The following CLEC11A variants were observed in gnomAD, a reference collection of about 807,000 sequenced individuals.
CLEC11A encodes the protein C-type lectin domain containing 11A.
Under a neutral mutation model 33.9 loss-of-function variants are expected in CLEC11A, and 35 were observed. The observed-to-expected ratio is 1.03, with a 90% CI of 0.79 to 1.37. The LOEUF (loss-of-function observed/expected upper bound fraction) is 1.37. Ranked by LOEUF, CLEC11A falls within the 40% of genes most tolerant of loss-of-function variation. The pLI is 0.00. For missense variants in CLEC11A, 519 were observed against 455.5 expected (o/e 1.14, Z -1.27); for synonymous variants, 220 against 202.2 (o/e 1.09, Z -0.75).
Position 50,723,442 on chromosome 19 carries a change from G to C in CLEC11A, c.-84G>C, listed in dbSNP as rs1255864525. ...GGCTAGTGACCTGCACACAGGGCAGGGGCACTCGGCAGTTCCCAGAGGCCA... is the reference window on the plus strand; with the variant it reads ...GGCTAGTGACCTGCACACAGGGCAGCGGCACTCGGCAGTTCCCAGAGGCCA... On this transcript the variant is annotated 5_prime_UTR_variant, in exon 1 of 4. Coordinates refer to ENST00000250340, the MANE Select transcript of CLEC11A (RefSeq NM_002975.3). The surrounding 1 kb of genome is among the most constrained non-coding windows in gnomAD (Gnocchi z 4.1). 1.1e-5 allele frequency: 16 copies of C among 1,472,970 alleles called. No individual in the cohort carries two copies. Among genetic ancestry groups the C allele is most frequent in the Non-Finnish European group, 1.4e-5 (15 of 1,059,250 alleles). 91.2% of individuals were successfully genotyped at this position (1,472,970 alleles called of 1,614,324 possible). A position where few individuals can be genotyped will look rare whatever the true frequency, so the allele number is the denominator to read the frequency against.
In CLEC11A at chr19:50,725,010, C is replaced by A; in HGVS notation, c.527-12C>A. Reference sequence around the variant, plus strand: ...TGACCCCGCCTCCTTCTCTACCCGGCCCCGCCCACAGGCTGCCTGAAGGGG... The same window carrying A: ...TGACCCCGCCTCCTTCTCTACCCGGACCCGCCCACAGGCTGCCTGAAGGGG... On this transcript the variant is annotated splice_polypyrimidine_tract_variant and intron_variant, in intron 3 of 3. Transcript: ENST00000250340. 1 of 1,463,568 alleles carries A rather than the reference C, an allele frequency of 6.8e-7. No homozygotes were observed. Among genetic ancestry groups the A allele is most frequent in the Non-Finnish European group, 9.0e-7 (1 of 1,111,550 alleles). The allele number at this position is 1,463,568 out of a possible 1,614,324, so 90.7% of individuals were successfully genotyped here.
chr19:50,724,144 T>C lies in CLEC11A; in HGVS notation c.334+53T>C. 6.2e-7 allele frequency: 1 copy of C among 1,602,864 alleles called. No individual in the cohort carries two copies. The highest frequency in any genetic ancestry group is 1.1e-5 in the South Asian group (1 of 90,102). On this transcript the variant is annotated intron_variant, in intron 2 of 3. Coordinates refer to ENST00000250340, the MANE Select transcript of CLEC11A (RefSeq NM_002975.3). This position sits in a 1 kb window ranked among gnomAD's most constrained non-coding sequence, Gnocchi z 4.1. ...AACTCCTAGGCCGCCGCGGTCACTT[T>C]CGCAAAAATGAAGGGTCGGTTCACT... is the stretch of plus-strand genomic sequence containing the variant.
chr19:50,724,320 C>T lies in CLEC11A; in HGVS notation c.335-90C>T. The T allele has an allele frequency of 1.6e-6, 2 of 1,224,968 alleles. No individual in the cohort carries two copies. The highest frequency in any genetic ancestry group is 2.2e-6 in the Non-Finnish European group (2 of 911,254). The allele number at this position is 1,224,968 out of a possible 1,614,324, so 75.9% of individuals were successfully genotyped here. ...GCCCCCCCCACCGCCACCCCGCCCT[C>T]AGGAGCCCTAGATCCCAGTTCTCCA... On this transcript the variant is annotated intron_variant, in intron 2 of 3. Transcript: ENST00000250340. The surrounding 1 kb of genome is among the most constrained non-coding windows in gnomAD (Gnocchi z 4.1).
Position 50,724,126 on chromosome 19 carries a change from A to G in CLEC11A, c.334+35A>G. On this transcript the variant is annotated intron_variant, in intron 2 of 3. Transcript: ENST00000250340. The surrounding 1 kb of genome is among the most constrained non-coding windows in gnomAD (Gnocchi z 4.1). ...CAGAAGCCCTCACCCCCAAACTCCT[A>G]GGCCGCCGCGGTCACTTTCGCAAAA... The G allele has an allele frequency of 1.2e-6, 2 of 1,603,734 alleles. No individual in the cohort carries two copies. The highest frequency in any genetic ancestry group is 1.7e-6 in the Non-Finnish European group (2 of 1,177,172).
In CLEC11A at chr19:50,725,106, G is replaced by T; in HGVS notation, c.611G>T (p.Cys204Phe). 6.5e-7 allele frequency: 1 copy of T among 1,533,474 alleles called. No individual in the cohort carries two copies. 95.0% of individuals were successfully genotyped at this position (1,533,474 alleles called of 1,614,324 possible). Residue 204 changes from cysteine to phenylalanine, a missense_variant, in exon 4 of 4, where the codon TGC becomes TTC. Transcript: ENST00000250340. ...FEAQAAAQAR[C>F]TARGGSLAQP... ...GCTCAGGCGGCGGCGCAGGCGCGGTGCACGGCGCGGGGCGGGAGCCTGGCG... is the reference window on the plus strand; with the variant it reads ...GCTCAGGCGGCGGCGCAGGCGCGGTTCACGGCGCGGGGCGGGAGCCTGGCG...
In CLEC11A at chr19:50,724,575, C is replaced by T. The variant is rs1448894111; in HGVS notation, c.500C>T (p.Ala167Val). Reference protein sequence around the residue: ...VQALQEAQGRAEREHGRLEGC... With the variant: ...VQALQEAQGRVEREHGRLEGC... ...GCCCTGCAGGAGGCGCAGGGTCGCG[C>T]CGAGCGCGAGCACGGCCGCTTGGAG... is the stretch of plus-strand genomic sequence containing the variant. The change falls in exon 3 of 4, where the codon GCC (alanine) becomes GTC (valine). Residue 167 changes from alanine (A) to valine (V), a missense_variant. Physicochemically the swap from Ala to Val is moderately conservative, Grantham distance 64. Coordinates refer to ENST00000250340, the MANE Select transcript of CLEC11A (RefSeq NM_002975.3). The surrounding 1 kb of genome is among the most constrained non-coding windows in gnomAD (Gnocchi z 4.1). 5 of 1,444,534 alleles carry T rather than the reference C, an allele frequency of 3.5e-6. No homozygotes were observed. The highest frequency in any genetic ancestry group is 2.2e-4 in the Middle Eastern group (1 of 4,486). The allele number at this position is 1,444,534 out of a possible 1,614,324, so 89.5% of individuals were successfully genotyped here.
Position 50,723,606 on chromosome 19 carries a change from G to A in CLEC11A, c.81G>A (p.Arg27=). The change falls in exon 1 of 4, where the codon AGG becomes AGA. Residue 27 remains arginine (R), a synonymous_variant. Coordinates refer to ENST00000250340, the MANE Select transcript of CLEC11A (RefSeq NM_002975.3). This position sits in a 1 kb window ranked among gnomAD's most constrained non-coding sequence, Gnocchi z 4.1. ...GCCATGGGGCTCGGGGAGCAGAGAG[G>A]GAGTGGGAGGGAGGCTGGGGAGGTG... The part of the protein sequence containing the change: ...GFGHGARGAE[R]EWEGGWGGAQ... The A allele has an allele frequency of 6.2e-7, 1 of 1,610,742 alleles. No individual in the cohort carries two copies. The highest frequency in any genetic ancestry group is 8.5e-7 in the Non-Finnish European group (1 of 1,179,306).
chr19:50,725,329 C>G lies in CLEC11A; in HGVS notation c.834C>G (p.Ala278=), dbSNP rs1293129314. Residue 278 remains alanine (A), a synonymous_variant, in exon 4 of 4, where the codon GCC becomes GCG. Transcript: ENST00000250340. Reference sequence around the variant, plus strand: ...CCGAGCTCGGCGCCCAGCCCAGCGCCTCGCCGCATCCGCTCAGCCCGGACC... The same window carrying G: ...CCGAGCTCGGCGCCCAGCCCAGCGCGTCGCCGCATCCGCTCAGCCCGGACC... ...PRPELGAQPS[A]SPHPLSPDQP... is the part of the protein sequence containing the mutation. The G allele has an allele frequency of 6.2e-7, 1 of 1,612,124 alleles. No individual in the cohort carries two copies. Among genetic ancestry groups the G allele is most frequent in the Non-Finnish European group, 8.5e-7 (1 of 1,179,468 alleles).
In CLEC11A at chr19:50,725,520, G is replaced by A. The variant is rs1386452569; in HGVS notation, c.*53G>A. ...ATCCCACCACCCGGCCTTTCCCTGCGCCGTGCCCACCCTCCTCCGGAATCT... is the reference window on the plus strand; with the variant it reads ...ATCCCACCACCCGGCCTTTCCCTGCACCGTGCCCACCCTCCTCCGGAATCT... On this transcript the variant is annotated 3_prime_UTR_variant, in exon 4 of 4. Transcript: ENST00000250340. 1.9e-5 allele frequency: 28 copies of A among 1,489,030 alleles called. No homozygotes were observed. The highest frequency in any genetic ancestry group is 2.3e-5 in the Admixed American group (1 of 42,838). 92.2% of individuals were successfully genotyped at this position (1,489,030 alleles called of 1,614,324 possible).
At position 50,724,304 on chromosome 19, in the gene CLEC11A, A is replaced by AC; in HGVS notation, c.335-104dup. ...TCCAGGAGTCCGGGGTGCCCCCCCC[A>AC]CCGCCACCCCGCCCTCAGGAGCCCT... On this transcript the variant is annotated intron_variant, in intron 2 of 3. Transcript: ENST00000250340. This position sits in a 1 kb window ranked among gnomAD's most constrained non-coding sequence, Gnocchi z 4.1. The AC allele has an allele frequency of 2.4e-6, 1 of 418,806 alleles. No homozygotes were observed. The highest frequency in any genetic ancestry group is 3.6e-6 in the Non-Finnish European group (1 of 277,148). 25.9% of individuals were successfully genotyped at this position (418,806 alleles called of 1,614,324 possible).
rs776508078 is a variant in CLEC11A at position 50,723,747 on chromosome 19, A to G, written c.147+75A>G. 1.5e-5 allele frequency: 23 copies of G among 1,531,050 alleles called. No individual in the cohort carries two copies. Among genetic ancestry groups the G allele is most frequent in the Non-Finnish European group, 1.7e-5 (19 of 1,141,824 alleles). The allele number at this position is 1,531,050 out of a possible 1,614,324, so 94.8% of individuals were successfully genotyped here. On this transcript the variant is annotated intron_variant, in intron 1 of 3. Transcript: ENST00000250340. This position sits in a 1 kb window ranked among gnomAD's most constrained non-coding sequence, Gnocchi z 4.1. ...GAGGGGGTATTGCAAGGTTAGGGAA[A>G]TGGACAATGAGGAGCGATTGGGATA...
In CLEC11A at chr19:50,725,036, C is replaced by A; in HGVS notation, c.541C>A (p.Leu181Met). 1 of 1,497,088 alleles carries A rather than the reference C, an allele frequency of 6.7e-7. No homozygotes were observed. The highest frequency in any genetic ancestry group is 1.3e-5 in the South Asian group (1 of 75,322). The allele number at this position is 1,497,088 out of a possible 1,614,324, so 92.7% of individuals were successfully genotyped here. A position where few individuals can be genotyped will look rare whatever the true frequency, so the allele number is the denominator to read the frequency against. ...HGRLEGCLKG[L>M]RLGHKCFLLS... ...CCCGCCCACAGGCTGCCTGAAGGGGCTGCGCCTGGGCCACAAGTGCTTCCT... is the reference window on the plus strand; with the variant it reads ...CCCGCCCACAGGCTGCCTGAAGGGGATGCGCCTGGGCCACAAGTGCTTCCT... Residue 181 changes from leucine (L) to methionine (M), a missense_variant, in exon 4 of 4, where the codon CTG becomes ATG. By Grantham distance (15) the Leu-to-Met change is conservative. Transcript: ENST00000250340.
rs759710928 is a variant in CLEC11A at position 50,723,859 on chromosome 19, G to T, written c.148-46G>T. 1.3e-6 allele frequency: 2 copies of T among 1,580,174 alleles called. No individual in the cohort carries two copies. Among genetic ancestry groups the T allele is most frequent in the South Asian group, 2.3e-5 (2 of 87,948 alleles). ...TATGAGTTGGAAAGGGGTGAATGGG[G>T]CATCTTGGTGGCAGGCTGGGGCTCA... On this transcript the variant is annotated intron_variant, in intron 1 of 3. Coordinates refer to ENST00000250340, the MANE Select transcript of CLEC11A (RefSeq NM_002975.3). This position sits in a 1 kb window ranked among gnomAD's most constrained non-coding sequence, Gnocchi z 4.1.
In CLEC11A at chr19:50,724,487, G is replaced by C. The variant is rs756249408; in HGVS notation, c.412G>C (p.Glu138Gln). 1.3e-6 allele frequency: 2 copies of C among 1,578,418 alleles called. No homozygotes were observed. Among genetic ancestry groups the C allele is most frequent in the African/African-American group, 1.4e-5 (1 of 73,264 alleles). Reference sequence around the variant, plus strand: ...GCACGCGTTGGACACCCGCGTGGTCGAGCTGACCCAGGGGCTGCGGCAGCT... The same window carrying C: ...GCACGCGTTGGACACCCGCGTGGTCCAGCTGACCCAGGGGCTGCGGCAGCT... ...RLHALDTRVV[E>Q]LTQGLRQLRN... Residue 138 changes from glutamate to glutamine, a missense_variant, in exon 3 of 4, where the codon GAG becomes CAG. Physicochemically the swap from Glu to Gln is conservative, Grantham distance 29. Transcript: ENST00000250340. The surrounding 1 kb of genome is among the most constrained non-coding windows in gnomAD (Gnocchi z 4.1).
At position 50,725,110 on chromosome 19, in the gene CLEC11A, G is replaced by A. The variant is rs1248257270; in HGVS notation, c.615G>A (p.Thr205=). The change falls in exon 4 of 4, where the codon ACG becomes ACA. Residue 205 remains threonine (T), a synonymous_variant. Coordinates refer to ENST00000250340, the MANE Select transcript of CLEC11A (RefSeq NM_002975.3). ...EAQAAAQARC[T]ARGGSLAQPA... Reference sequence around the variant, plus strand: ...AGGCGGCGGCGCAGGCGCGGTGCACGGCGCGGGGCGGGAGCCTGGCGCAGC... The same window carrying A: ...AGGCGGCGGCGCAGGCGCGGTGCACAGCGCGGGGCGGGAGCCTGGCGCAGC... 8.5e-6 allele frequency: 13 copies of A among 1,534,148 alleles called. No individual in the cohort carries two copies. In the African/African-American group the frequency reaches 1.1e-4, roughly 13 times the overall value.
In CLEC11A at chr19:50,724,537, C is replaced by G. The variant is rs1259080447; in HGVS notation, c.462C>G (p.Arg154=). Residue 154 remains arginine, a synonymous_variant, in exon 3 of 4, where the codon CGC becomes CGG. Transcript: ENST00000250340. The surrounding 1 kb of genome is among the most constrained non-coding windows in gnomAD (Gnocchi z 4.1). ...RQLRNAAGDT[R]DAVQALQEAQ... ...TGCGGAACGCGGCAGGCGACACCCG[C>G]GATGCCGTGCAAGCCCTGCAGGAGG... 6.5e-7 allele frequency: 1 copy of G among 1,533,928 alleles called. No individual in the cohort carries two copies. Among genetic ancestry groups the G allele is most frequent in the Non-Finnish European group, 8.7e-7 (1 of 1,146,684 alleles).
rs569727695 is a variant in CLEC11A at position 50,725,109 on chromosome 19, C to A, written c.614C>A (p.Thr205Lys). The A allele has an allele frequency of 7.2e-6, 11 of 1,533,180 alleles. No homozygotes were observed. The South Asian group carries it at 1.2e-4, about 17-fold the overall frequency. 95.0% of individuals were successfully genotyped at this position (1,533,180 alleles called of 1,614,324 possible). A position where few individuals can be genotyped will look rare whatever the true frequency, so the allele number is the denominator to read the frequency against. ...EAQAAAQARC[T>K]ARGGSLAQPA... is the part of the protein sequence containing the mutation. Reference sequence around the variant, plus strand: ...CAGGCGGCGGCGCAGGCGCGGTGCACGGCGCGGGGCGGGAGCCTGGCGCAG... The same window carrying A: ...CAGGCGGCGGCGCAGGCGCGGTGCAAGGCGCGGGGCGGGAGCCTGGCGCAG... The change falls in exon 4 of 4, where the codon ACG (threonine) becomes AAG (lysine). Residue 205 changes from threonine to lysine, a missense_variant. Transcript: ENST00000250340.
chr19:50,724,412 G>A lies in CLEC11A; in HGVS notation c.337G>A (p.Gly113Ser). The A allele has an allele frequency of 6.6e-7, 1 of 1,505,716 alleles. No individual in the cohort carries two copies. The highest frequency in any genetic ancestry group is 8.8e-7 in the Non-Finnish European group (1 of 1,134,862). 93.3% of individuals were successfully genotyped at this position (1,505,716 alleles called of 1,614,324 possible). The change falls in exon 3 of 4, where the codon GGC becomes AGC. Residue 113 changes from glycine (G) to serine (S), a missense_variant and splice_region_variant. By Grantham distance (56) the Gly-to-Ser change is moderately conservative (BLOSUM62 0). Coordinates refer to ENST00000250340, the MANE Select transcript of CLEC11A (RefSeq NM_002975.3). This position sits in a 1 kb window ranked among gnomAD's most constrained non-coding sequence, Gnocchi z 4.1. ...GCATGATCCCTGTCTGTCCGCAGTG[G>A]GCCGCCTGGCCGGCCTGGACGCAGG... ...TPEDIVTYIL[G>S]RLAGLDAGLH...
Position 50,723,373 on chromosome 19 carries a change from G to T in CLEC11A, c.-153G>T. The stretch of plus-strand genomic sequence containing the variant: ...GACCAACGGACCGGACAGAGACGAG[G>T]AGAGGAACAGGAAGAGAGAAGCTGG... On this transcript the variant is annotated 5_prime_UTR_variant, in exon 1 of 4. Coordinates refer to ENST00000250340, the MANE Select transcript of CLEC11A (RefSeq NM_002975.3). This position sits in a 1 kb window ranked among gnomAD's most constrained non-coding sequence, Gnocchi z 4.1. The T allele has an allele frequency of 2.7e-6, 2 of 746,682 alleles. No individual in the cohort carries two copies. The highest frequency in any genetic ancestry group is 4.6e-6 in the Non-Finnish European group (2 of 439,148). 46.3% of individuals were successfully genotyped at this position (746,682 alleles called of 1,614,324 possible).
Sources: allele counts gnomAD v4.1 joint callset, GRCh38; gene constraint gnomAD v4.1.1; non-coding constraint Gnocchi (gnomAD v3.1); transcripts MANE v1.5; gene names NCBI Gene and HGNC (gene_info 2026-07-23, HGNC 2026-07-21).